DNAJC13: variants seen among roughly 807,000 people sequenced by gnomAD.
The protein encoded by DNAJC13 is dnaJ homolog subfamily C member 13.
In DNAJC13, 75 loss-of-function variants were observed where a neutral mutation model predicts 290.5. The observed-to-expected ratio is 0.26, with a 90% CI of 0.21 to 0.31. The LOEUF is 0.31. Among genes scored for constraint, DNAJC13 ranks in the 10% least tolerant of loss-of-function variants. DNAJC13 has a pLI of 1.00. For synonymous variants in DNAJC13, 862 were observed against 892.0 expected, an observed-to-expected ratio of 0.97 and a Z score of 0.60; for missense variants, 2,260 against 2,674.5, an observed-to-expected ratio of 0.85 and a Z score of 3.42.
chr3:132,511,006 T>C, intron 43 of DNAJC13, 61 bp from the exon 44 acceptor site: 1 of 1,551,556 alleles, frequency 6.4e-7, no homozygotes, highest in Admixed American at 1.9e-5. Flanking sequence ...GTTCTTTCTT[T>C]TGCTATGGAG....
At chr3:132,429,805 A>G (rs1372331950) in intron 1 of DNAJC13, among the ~76,000 whole-genome samples, 1 of 152,166 alleles carries the variant, frequency 6.6e-6, no homozygotes, top group Non-Finnish European at 1.5e-5. Flanking sequence ...TTACATAAAT[A>G]TAATGTAGTT....
At position 132,523,647 on chromosome 3, in the gene DNAJC13, G is replaced by A; in HGVS notation, c.5994G>A (p.Lys1998=). The stretch of plus-strand genomic sequence containing the variant: ...CACAACCAGCCTGGGTTCTAAGAAA[G>A]CCTAGAGAATTTCTTATTGCCCTGT... ...FIAQPAWVLR[K]PREFLIALLE... is the part of the protein sequence containing the mutation. Residue 1998 remains lysine (K), a synonymous_variant, in exon 51 of 56, where the codon AAG becomes AAA. Transcript: ENST00000260818. 8.7e-6 allele frequency: 14 copies of A among 1,614,040 alleles called. No individual in the cohort carries two copies. The highest frequency in any genetic ancestry group is 1.1e-5 in the Non-Finnish European group (13 of 1,179,944).
chr3:132,526,685 T>C (rs1165566232), intron 53 of DNAJC13, among the ~76,000 whole-genome samples: 2 of 152,362 alleles, frequency 1.3e-5, no homozygotes, highest in East Asian at 3.9e-4. Flanking sequence ...TATTTATTCC[T>C]TTGTTTCTTA....
intron 48 of DNAJC13, among the ~76,000 whole-genome samples, chr3:132,520,549 T>C (rs1025146068): frequency 2.0e-5 from 3 of 152,254 alleles, no homozygotes; most frequent in Non-Finnish European, 4.4e-5. Context: ...TTCATTAAAT[T>C]GAATTAAATT....
At chr3:132,476,646 T>A (rs1476149381) in intron 22 of DNAJC13, among the ~76,000 whole-genome samples, 1 of 152,192 alleles carries the variant, frequency 6.6e-6, no homozygotes, top group Non-Finnish European at 1.5e-5. Flanking sequence ...GTTTCTTTTA[T>A]CTCATATCCT....
At chr3:132,430,103 TTTATC>T (rs958241452) in intron 1 of DNAJC13, among the ~76,000 whole-genome samples, 19 of 152,240 alleles carry the variant, frequency 1.2e-4, no homozygotes, top group African/African-American at 4.3e-4. Flanking sequence ...GTAGTTTACT[TTTATC>T]TTAATGTGTT....
chr3:132,418,354 GA>G (rs1938859234), intron 1 of DNAJC13, among the ~76,000 whole-genome samples: 1 of 152,156 alleles, frequency 6.6e-6, no homozygotes, highest in African/African-American at 2.4e-5. Flanking sequence ...TTTTATCTTT[GA>G]ATGTGGCCTT....
chr3:132,496,766 G>C, intron 36 of DNAJC13, 103 bp downstream of exon 36: 1 of 1,057,810 alleles, frequency 9.5e-7, no homozygotes, highest in Non-Finnish European at 1.3e-6. Context: ...AATAGATTTA[G>C]AATTATTGTT....
intron 1 of DNAJC13, among the ~76,000 whole-genome samples, chr3:132,428,019 A>T (rs1445467526): frequency 6.6e-6 from 1 of 152,190 alleles, no homozygotes; most frequent in East Asian, 1.9e-4. Flanking sequence ...GCTAGTCTCT[A>T]GTTAACGTAT....
At chr3:132,439,973 A>G (rs1347480796) in intron 2 of DNAJC13, among the ~76,000 whole-genome samples, 1 of 152,194 alleles carries the variant, frequency 6.6e-6, no homozygotes, top group African/African-American at 2.4e-5. Flanking sequence ...TAGAGCAGTC[A>G]TGGGCTGGAC....
At chr3:132,446,384 G>A in intron 2 of DNAJC13, 91 bp from the exon 3 acceptor site, 1 of 809,180 alleles carries the variant, frequency 1.2e-6, no homozygotes, top group South Asian at 1.6e-5. Flanking sequence ...ACATTTCTAT[G>A]TATTGAACTG....
intron 29 of DNAJC13, 33 bp from the exon 30 acceptor site, chr3:132,488,265 C>A: frequency 6.5e-7 from 1 of 1,546,598 alleles, no homozygotes; most frequent in Non-Finnish European, 8.7e-7. Flanking sequence ...AGGTTTTTTA[C>A]AACCCAATAA....
rs1162804579 is a variant in DNAJC13 at position 132,538,272 on chromosome 3, A to G, written c.6722A>G (p.Tyr2241Cys). Residue 2241 changes from tyrosine to cysteine, a missense_variant, in exon 56 of 56, where the codon TAT becomes TGT. Physicochemically the swap from Tyr to Cys is radical, Grantham distance 194. Around this residue, in one of 3 missense-constraint regions of DNAJC13, gnomAD observed 1,494 missense variants for 1,693.7 expected, o/e 0.88. Coordinates refer to ENST00000260818, the MANE Select transcript of DNAJC13 (RefSeq NM_015268.4). Reference sequence around the variant, plus strand: ...GACCATGAGGCAGGCGACCTTGGCTATCAGACTTGAAATATTCACGAGAGA... The same window carrying G: ...GACCATGAGGCAGGCGACCTTGGCTGTCAGACTTGAAATATTCACGAGAGA... ...PVDHEAGDLGYQT is the reference protein window; with the variant it reads ...PVDHEAGDLGCQT 9.3e-6 allele frequency: 15 copies of G among 1,613,368 alleles called. No individual in the cohort carries two copies. In the Admixed American group the frequency reaches 1.0e-4, roughly 11 times the overall value.
intron 29 of DNAJC13, among the ~76,000 whole-genome samples, chr3:132,486,148 T>TA (rs1223911142): frequency 1.6e-5 from 2 of 128,670 alleles, no homozygotes; most frequent in Non-Finnish European, 3.3e-5. Context: ...CATTTTAACA[T>TA]TTCTTTGCTT....
chr3:132,532,852 C>G (rs555878288), intron 55 of DNAJC13, among the ~76,000 whole-genome samples: 1 of 150,970 alleles, frequency 6.6e-6, no homozygotes, highest in South Asian at 2.1e-4. Context: ...ATTCTCCTGC[C>G]TCAGCTTCCC....
intron 1 of DNAJC13, among the ~76,000 whole-genome samples, chr3:132,432,151 A>C (rs918042147): frequency 6.6e-6 from 1 of 152,104 alleles, no homozygotes; most frequent in Admixed American, 6.5e-5. Flanking sequence ...TTCAGTTTGT[A>C]TTAGCACTTT....
intron 47 of DNAJC13, 63 bp downstream of exon 47, chr3:132,516,559 C>T (rs1490101940): frequency 1.9e-6 from 3 of 1,565,958 alleles, no homozygotes; most frequent in Non-Finnish European, 2.6e-6. Flanking sequence ...TTTTGAGCTG[C>T]ATTTTACAGC....
chr3:132,448,627 A>G (rs1468848215), intron 5 of DNAJC13, among the ~76,000 whole-genome samples: 2 of 152,198 alleles, frequency 1.3e-5, no homozygotes, highest in African/African-American at 4.8e-5. Context: ...AATTTATAGC[A>G]CTGTTCAGAA....
At chr3:132,433,016 A>T (rs1939281591) in intron 1 of DNAJC13, among the ~76,000 whole-genome samples, 1 of 152,246 alleles carries the variant, frequency 6.6e-6, no homozygotes, top group Non-Finnish European at 1.5e-5. Context: ...TATAGCCTTA[A>T]AAATAATTTT....
Sources: allele counts gnomAD v4.1 joint callset (sites outside exome capture counted in the v4.1 genomes callset), GRCh38; gene constraint gnomAD v4.1.1; regional missense constraint gnomAD v4.1.1; transcripts MANE v1.5; gene names NCBI Gene and HGNC (gene_info 2026-07-23, HGNC 2026-07-21).